KIF26B: variants seen among roughly 807,000 people sequenced by gnomAD.
KIF26B encodes the protein kinesin family member 26B.
Under a neutral mutation model 151.2 loss-of-function variants are expected in KIF26B, and 63 were observed. The observed-to-expected ratio is 0.42, with a 90% CI of 0.34 to 0.51. The LOEUF (loss-of-function observed/expected upper bound fraction) is 0.51, where lower values mean the gene tolerates loss of function less well. KIF26B is among the 20% of genes least tolerant of loss of function. The pLI is 0.07. For synonymous variants in KIF26B, 1,357 were observed against 1,262.1 expected (o/e 1.08, Z -1.59); for missense variants, 2,813 against 2,913.6 (o/e 0.97, Z 0.79).
chr1:245,699,079 C>A, intron 14 of KIF26B, 42 bp downstream of exon 14: 2 of 1,592,530 alleles, frequency 1.3e-6, no homozygotes, highest in Non-Finnish European at 1.7e-6. Context: ...CTAGTGGGTT[C>A]ACCTGCTCAA....
intron 2 of KIF26B, among the ~76,000 whole-genome samples, chr1:245,217,297 C>A (rs1037927638): frequency 6.6e-6 from 1 of 151,970 alleles, no homozygotes; most frequent in Non-Finnish European, 1.5e-5. Flanking sequence ...AAAAAAATTT[C>A]TCTTTAGAAT....
intron 4 of KIF26B, among the ~76,000 whole-genome samples, chr1:245,489,053 C>T (rs962774275): frequency 2.0e-5 from 3 of 152,238 alleles, no homozygotes; most frequent in African/African-American, 7.2e-5. Flanking sequence ...AGCGAATTCT[C>T]ATCTCTTCCA....
intron 4 of KIF26B, among the ~76,000 whole-genome samples, chr1:245,436,094 T>C (rs1418060446): frequency 6.6e-6 from 1 of 151,814 alleles, no homozygotes; most frequent in East Asian, 1.9e-4. Context: ...GGAGAATCAC[T>C]TGAACCTGGG....
Position 245,411,256 on chromosome 1 carries a change from C to T in KIF26B, c.1000-8323C>T, listed in dbSNP as rs200534765. On this transcript the variant is annotated intron_variant, in intron 3 of 14. Transcript: ENST00000407071. ...CGGTTCTGGGTAGCTCTGGTGTGCG[C>T]GAAGAAAAGAGACAAGCAGGGTGAG... Among the ~76,000 whole-genome samples the T allele has an allele frequency of 7.5e-4, 114 of 152,186 alleles. 1 individual carries two copies. The highest frequency in any genetic ancestry group is 2.2e-3 in the African/African-American group (92 of 41,506).
chr1:245,446,185 C>T (rs746037664), intron 4 of KIF26B, among the ~76,000 whole-genome samples: 10 of 152,194 alleles, frequency 6.6e-5, no homozygotes, highest in East Asian at 5.8e-4. Context: ...CTGTACTGAG[C>T]GCTTTAGGCA....
Position 245,451,585 on chromosome 1 carries a change from CTTTTT to C in KIF26B, c.1166+31864_1166+31868del, listed in dbSNP as rs58192966. Among the ~76,000 whole-genome samples, 34 of 58,746 alleles carry C rather than the reference CTTTTT, an allele frequency of 5.8e-4. 1 individual carries two copies. The highest frequency in any genetic ancestry group is 2.4e-3 in the Admixed American group (11 of 4,602). 38.5% of individuals were successfully genotyped at this position (58,746 alleles called of 152,430 possible). ...TATAATATGTATCCAGAAGATCTAT[CTTTTT>C]TTTTTTTTTTTTTTTTTTTTTTTGG... On this transcript the variant is annotated intron_variant, in intron 4 of 14. Coordinates refer to ENST00000407071, the MANE Select transcript of KIF26B (RefSeq NM_018012.4).
chr1:245,334,080 G>A (rs1454991363), intron 2 of KIF26B, among the ~76,000 whole-genome samples: 4 of 152,136 alleles, frequency 2.6e-5, no homozygotes, highest in Admixed American at 6.5e-5. Context: ...TTAGAAGGAA[G>A]CAGAAAAGTT....
rs556931661 is a variant in KIF26B, at chr1:245,580,725, C to T, written c.1351-21852C>T. 7.2e-5 allele frequency among the ~76,000 whole-genome samples: 11 copies of T among 152,286 alleles called. No homozygotes were observed. The South Asian group carries it at 1.9e-3, about 26-fold the overall frequency. On this transcript the variant is annotated intron_variant, in intron 5 of 14. Transcript: ENST00000407071. ...CTCAGCATGGATTAGAACAGTCTTT[C>T]GCTTCCTGGAGCTTAAAAGCCCTCC... is the stretch of plus-strand genomic sequence containing the variant.
At chr1:245,281,725 T>C (rs999189014) in intron 2 of KIF26B, among the ~76,000 whole-genome samples, 1 of 151,386 alleles carries the variant, frequency 6.6e-6, no homozygotes, top group Non-Finnish European at 1.5e-5. Context: ...CTTCCAGGGT[T>C]TTTATGGTTT....
At position 245,261,109 on chromosome 1, in the gene KIF26B, T is replaced by TCCTC. The variant is rs1670629160; in HGVS notation, c.465+104428_465+104431dup. On this transcript the variant is annotated intron_variant, in intron 2 of 14. Coordinates refer to ENST00000407071, the MANE Select transcript of KIF26B (RefSeq NM_018012.4). Reference sequence around the variant, plus strand: ...CTCCCTGCTTCCTTCCTTCCTTCCTTCCTCCGTTCCTTCCTTCCTTCCTCT... The same window carrying TCCTC: ...CTCCCTGCTTCCTTCCTTCCTTCCTTCCTCCCTCCGTTCCTTCCTTCCTTCCTCT... 2.0e-5 allele frequency among the ~76,000 whole-genome samples: 3 copies of TCCTC among 148,780 alleles called. No individual in the cohort carries two copies. The South Asian group carries it at 6.7e-4, about 33-fold the overall frequency.
At chr1:245,226,617 C>A (rs980344909) in intron 2 of KIF26B, among the ~76,000 whole-genome samples, 1 of 152,104 alleles carries the variant, frequency 6.6e-6, no homozygotes, top group African/African-American at 2.4e-5. Context: ...GCATGCACCA[C>A]CACGCCCGGC....
At chr1:245,418,071 G>A (rs1057282716) in intron 3 of KIF26B, among the ~76,000 whole-genome samples, 9 of 152,312 alleles carry the variant, frequency 5.9e-5, no homozygotes, top group Middle Eastern at 3.4e-3. Context: ...GAGCTTCATC[G>A]ATGCTGTTGA....
intron 2 of KIF26B, among the ~76,000 whole-genome samples, chr1:245,303,342 G>C (rs539049533): frequency 5.9e-5 from 9 of 151,264 alleles, no homozygotes; most frequent in Non-Finnish European, 8.8e-5. Context: ...GGGACTACAG[G>C]TGCCCGCCAC....
intron 2 of KIF26B, among the ~76,000 whole-genome samples, chr1:245,264,613 G>T (rs918290925): frequency 6.6e-6 from 1 of 152,138 alleles, no homozygotes; most frequent in Non-Finnish European, 1.5e-5. Context: ...CAGAGCCCCA[G>T]GCTGGATGCC....
intron 5 of KIF26B, among the ~76,000 whole-genome samples, chr1:245,584,181 G>A (rs1385096749): frequency 1.3e-5 from 2 of 152,044 alleles, no homozygotes; most frequent in African/African-American, 4.8e-5. Context: ...TTCCTGCCCC[G>A]TCTCATGCTC....
chr1:245,215,568 G>A (rs1272254483), intron 2 of KIF26B, among the ~76,000 whole-genome samples: 1 of 152,068 alleles, frequency 6.6e-6, no homozygotes, highest in Non-Finnish European at 1.5e-5. Context: ...GTTAGTTAAC[G>A]CATCCATTCC....
In KIF26B at chr1:245,611,856, G is replaced by A. The variant is rs1276207100; in HGVS notation, c.1978G>A (p.Ala660Thr). 13 of 1,613,642 alleles carry A rather than the reference G, an allele frequency of 8.1e-6. No individual in the cohort carries two copies. The highest frequency in any genetic ancestry group is 9.3e-6 in the Non-Finnish European group (11 of 1,179,884). ...GAAGGCTGCCTTTTTCCTGGATGCC[G>A]CCATTGCCTCCCGCAGGAGCCACCA... is the stretch of plus-strand genomic sequence containing the variant. ...AEKAAFFLDAAIASRRSHQQD... is the reference protein window; with the variant it reads ...AEKAAFFLDATIASRRSHQQD... Residue 660 changes from alanine (A) to threonine (T), a missense_variant, in exon 9 of 15, where the codon GCC becomes ACC. By Grantham distance (58) the Ala-to-Thr change is moderately conservative. Transcript: ENST00000407071.
chr1:245,287,294 G>A (rs1671179217), intron 2 of KIF26B, among the ~76,000 whole-genome samples: 1 of 151,872 alleles, frequency 6.6e-6, no homozygotes, highest in African/African-American at 2.4e-5. Context: ...TTCATTTCGT[G>A]TACTGGTTAA....
intron 12 of KIF26B, among the ~76,000 whole-genome samples, chr1:245,690,833 T>G (rs2044615535): frequency 6.6e-6 from 1 of 152,172 alleles, no homozygotes; most frequent in Admixed American, 6.5e-5. Flanking sequence ...AGAACCCCAT[T>G]TAAGACAAGT....
Sources: allele counts gnomAD v4.1 joint callset (sites outside exome capture counted in the v4.1 genomes callset), GRCh38; gene constraint gnomAD v4.1.1; transcripts MANE v1.5; gene names NCBI Gene and HGNC (gene_info 2026-07-23, HGNC 2026-07-21).